The following BDP1 variants were observed in gnomAD, a reference collection of about 807,000 sequenced individuals.
The protein encoded by BDP1 is transcription factor TFIIIB component B'' homolog.
In BDP1, 169 loss-of-function variants were observed where a neutral mutation model predicts 266.6. That is an observed-to-expected ratio of 0.63 (90% confidence interval 0.56 to 0.72). The LOEUF (loss-of-function observed/expected upper bound fraction) is 0.72. BDP1 is among the 30% of genes least tolerant of loss of function. The probability of loss-of-function intolerance (pLI) is 0.00; values close to 1 mark genes in which losing one functional copy is unlikely to be tolerated. For missense variants in BDP1, 3,015 were observed against 3,053.8 expected, an observed-to-expected ratio of 0.99 and a Z score of 0.30; for synonymous variants, 1,090 against 1,022.4, an observed-to-expected ratio of 1.07 and a Z score of -1.26.
At chr5:71,530,098 A>C (rs1474321225) in intron 25 of BDP1, among the ~76,000 whole-genome samples, 1 of 152,208 alleles carries the variant, frequency 6.6e-6, no homozygotes, top group Non-Finnish European at 1.5e-5. Flanking sequence ...AAACTGTATG[A>C]TGCTTAAAAA....
chr5:71,491,369 T>C (rs116003920), intron 11 of BDP1, among the ~76,000 whole-genome samples: 3,852 of 152,306 alleles, frequency 0.025, 75 homozygotes, highest in South Asian at 0.074. Flanking sequence ...TTTTTTCTGA[T>C]GTTTACTTTG....
chr5:71,542,150 G>T lies in BDP1; in HGVS notation c.6297G>T (p.Arg2099Ser). The T allele has an allele frequency of 6.2e-7, 1 of 1,611,258 alleles. No homozygotes were observed. Among genetic ancestry groups the T allele is most frequent in the Non-Finnish European group, 8.5e-7 (1 of 1,179,246 alleles). The part of the protein sequence containing the change: ...KVTSNLRIRS[R>S]LAKPKPNLEK... ...CCAGTAATTTGAGAATAAGAAGTAGGCTTGCTAAGCCTAAACCAAATCTTG... is the reference window on the plus strand; with the variant it reads ...CCAGTAATTTGAGAATAAGAAGTAGTCTTGCTAAGCCTAAACCAAATCTTG... The change falls in exon 30 of 39, where the codon AGG (arginine) becomes AGT (serine). Residue 2099 changes from arginine to serine, a missense_variant. Arg to Ser is a moderately radical substitution (Grantham distance 110). Transcript: ENST00000358731.
At chr5:71,494,832 G>A (rs1763786092) in intron 11 of BDP1, 1 of 152,578 alleles carries the variant, frequency 6.6e-6, no homozygotes, top group African/African-American at 2.4e-5. Flanking sequence ...CTGAGTAGGT[G>A]GGATTATAGG....
chr5:71,478,370 CTATT>C (rs1762728952), intron 7 of BDP1, among the ~76,000 whole-genome samples: 2 of 152,252 alleles, frequency 1.3e-5, no homozygotes, highest in South Asian at 4.1e-4. Context: ...TAGCATTTAA[CTATT>C]TATTTACCAT....
intron 26 of BDP1, among the ~76,000 whole-genome samples, chr5:71,536,431 A>C (rs767108695): frequency 1.2e-4 from 18 of 152,220 alleles, no homozygotes; most frequent in Non-Finnish European, 2.4e-4. Context: ...GCACATTAAC[A>C]AAATTATTAG....
chr5:71,537,157 A>C (rs1157325966), intron 26 of BDP1, among the ~76,000 whole-genome samples: 16 of 150,562 alleles, frequency 1.1e-4, no homozygotes, highest in African/African-American at 3.2e-4. Flanking sequence ...ACCAAAAAAA[A>C]AAAAAAAAAA....
chr5:71,567,797 G>C lies in BDP1; in HGVS notation c.*2912G>C, dbSNP rs1194108923. On this transcript the variant is annotated 3_prime_UTR_variant, in exon 39 of 39. Transcript: ENST00000358731. ...GCAGTTATATATATATATAAATTATGTAAATAAAAGTTATTTTATATCATT... is the reference window on the plus strand; with the variant it reads ...GCAGTTATATATATATATAAATTATCTAAATAAAAGTTATTTTATATCATT... 1 of 152,246 alleles carries C rather than the reference G, an allele frequency of 6.6e-6. No homozygotes were observed. Among genetic ancestry groups the C allele is most frequent in the Non-Finnish European group, 1.5e-5 (1 of 67,986 alleles). The allele number at this position is 152,246 out of a possible 1,614,324, so 9.4% of individuals were successfully genotyped here.
intron 7 of BDP1, among the ~76,000 whole-genome samples, chr5:71,480,910 C>T (rs1325974359): frequency 6.6e-6 from 1 of 152,184 alleles, no homozygotes. Flanking sequence ...GGCGTAGTGG[C>T]TCATGCCTGT....
chr5:71,515,157 G>A (rs748928794), intron 20 of BDP1, 35 bp downstream of exon 20: 15 of 1,440,876 alleles, frequency 1.0e-5, no homozygotes, highest in Admixed American at 4.8e-5. Flanking sequence ...TATAAAATAA[G>A]AGAGATACTT....
At chr5:71,553,516 A>T (rs1743002183) in intron 35 of BDP1, among the ~76,000 whole-genome samples, 196 bp downstream of exon 35, 1 of 152,210 alleles carries the variant, frequency 6.6e-6, no homozygotes, top group Non-Finnish European at 1.5e-5. Flanking sequence ...GTAAATGAAA[A>T]TTGATGGAGA....
intron 26 of BDP1, among the ~76,000 whole-genome samples, chr5:71,536,784 C>T (rs116376921): frequency 0.015 from 2,349 of 152,122 alleles, 70 homozygotes; most frequent in African/African-American, 0.053. Context: ...AAGCTGTCAT[C>T]GCCGTCACTG....
intron 26 of BDP1, among the ~76,000 whole-genome samples, chr5:71,537,148 C>CAAAAAA (rs1766660090): frequency 3.1e-5 from 1 of 32,228 alleles, no homozygotes; most frequent in Non-Finnish European, 6.9e-5. Context: ...AACCAAAAAA[C>CAAAAAA]CAAAAAAAAA....
At chr5:71,490,850 G>T in intron 10 of BDP1, 134 bp from the exon 11 acceptor site, 1 of 818,694 alleles carries the variant, frequency 1.2e-6, no homozygotes, top group Non-Finnish European at 1.8e-6. Context: ...AATAAGATGT[G>T]TGCCTTGCAA....
At chr5:71,478,045 G>T (rs542443183) in intron 7 of BDP1, among the ~76,000 whole-genome samples, 1 of 152,324 alleles carries the variant, frequency 6.6e-6, no homozygotes, top group African/African-American at 2.4e-5. Context: ...GAGGTTGGGA[G>T]TTCGAGACCA....
At chr5:71,526,829 G>A (rs1483595387) in intron 25 of BDP1, among the ~76,000 whole-genome samples, 1 of 151,634 alleles carries the variant, frequency 6.6e-6, no homozygotes, top group Non-Finnish European at 1.5e-5. Context: ...GGGACTACAG[G>A]TGTGCACCAC....
intron 17 of BDP1, among the ~76,000 whole-genome samples, chr5:71,511,780 C>G (rs1764936318): frequency 6.6e-6 from 1 of 152,020 alleles, no homozygotes; most frequent in African/African-American, 2.4e-5. Flanking sequence ...TGTCACTGTT[C>G]TTAATATCAT....
At chr5:71,461,490 T>G (rs1335180135) in intron 2 of BDP1, among the ~76,000 whole-genome samples, 1 of 151,042 alleles carries the variant, frequency 6.6e-6, no homozygotes, top group Non-Finnish European at 1.5e-5. Flanking sequence ...GGCAAGCATC[T>G]GTAGTCCCAG....
At chr5:71,532,784 A>G (rs1766329275) in intron 26 of BDP1, among the ~76,000 whole-genome samples, 1 of 152,228 alleles carries the variant, frequency 6.6e-6, no homozygotes, top group Non-Finnish European at 1.5e-5. Context: ...AAACAGCTTT[A>G]TTGACATATA....
chr5:71,473,713 T>G (rs1319505775), intron 7 of BDP1, among the ~76,000 whole-genome samples: 1 of 152,184 alleles, frequency 6.6e-6, no homozygotes, highest in Admixed American at 6.5e-5. Context: ...AGTTTTAGGG[T>G]ACATGTGCAC....
Sources: gnomAD v4.1 joint callset for allele counts (sites outside exome capture counted in the v4.1 genomes callset) on GRCh38, gnomAD v4.1.1 for gene constraint, MANE v1.5 for transcripts, NCBI Gene and HGNC (gene_info 2026-07-23, HGNC 2026-07-21) for gene names.